Variants in ZMYM5 observed in about 807,000 individuals in gnomAD.
ZMYM5 encodes zinc finger MYM-type containing 5, also known as zinc finger MYM-type protein 5.
In ZMYM5, 41 loss-of-function variants were observed where a neutral mutation model predicts 61.8. The ratio of observed to expected loss-of-function variants is 0.66; its 90% confidence interval spans 0.52 to 0.86. The LOEUF (loss-of-function observed/expected upper bound fraction) is 0.86. ZMYM5 is among the 40% of genes least tolerant of loss of function. The pLI, the probability that ZMYM5 is intolerant of heterozygous loss-of-function variation, is 0.00. For synonymous variants in ZMYM5, 257 were observed against 276.4 expected (o/e 0.93, Z 0.70); for missense variants, 706 against 786.7 (o/e 0.90, Z 1.23).
intron 2 of ZMYM5, among the ~76,000 whole-genome samples, chr13:19,860,478 T>TC (rs1953704880): frequency 1.4e-5 from 2 of 145,848 alleles, no homozygotes; most frequent in South Asian, 4.3e-4. Context: ...GTGTATTTTT[T>TC]TTTTTGTAGT....
chr13:19,838,514 G>A (rs1434953334), intron 5 of ZMYM5, among the ~76,000 whole-genome samples, 186 bp downstream of exon 5: 1 of 152,174 alleles, frequency 6.6e-6, no homozygotes, highest in Non-Finnish European at 1.5e-5. Context: ...TTTTTCTGCC[G>A]AGAGTAAATA....
chr13:19,849,284 C>A (rs982956693), intron 4 of ZMYM5, among the ~76,000 whole-genome samples: 4 of 151,998 alleles, frequency 2.6e-5, no homozygotes, highest in African/African-American at 9.7e-5. Context: ...TGGCGCCTGG[C>A]TAATTTTTTT....
chr13:19,861,762 T>C (rs561845926), intron 2 of ZMYM5, among the ~76,000 whole-genome samples: 5 of 151,928 alleles, frequency 3.3e-5, no homozygotes, highest in Admixed American at 2.0e-4. Flanking sequence ...CACACAAGGA[T>C]TGGTGTTAAA....
At chr13:19,858,550 C>CT (rs964322437) in intron 2 of ZMYM5, among the ~76,000 whole-genome samples, 5 of 140,334 alleles carry the variant, frequency 3.6e-5, no homozygotes, top group African/African-American at 1.3e-4. Context: ...GGCCACTGCA[C>CT]TCCAGCCTGG....
chr13:19,851,581 C>T (rs189415106), intron 3 of ZMYM5, 108 bp downstream of exon 3: 172 of 1,541,368 alleles, frequency 1.1e-4, no homozygotes, highest in Admixed American at 4.5e-4. Context: ...TCACATCTTG[C>T]CCAGCATTCA....
At chr13:19,861,026 G>A (rs893500208) in intron 2 of ZMYM5, among the ~76,000 whole-genome samples, 1 of 149,952 alleles carries the variant, frequency 6.7e-6, no homozygotes, top group Non-Finnish European at 1.5e-5. Flanking sequence ...CTGTCGCCCA[G>A]CCTGGAATGC....
At chr13:19,862,778 C>T (rs1399406453) in intron 1 of ZMYM5, among the ~76,000 whole-genome samples, 1 of 152,170 alleles carries the variant, frequency 6.6e-6, no homozygotes, top group Admixed American at 6.5e-5. Context: ...ATTTGTATTC[C>T]CTCCTAAATT....
chr13:19,851,265 G>C, intron 4 of ZMYM5, 90 bp downstream of exon 4: 1 of 1,204,082 alleles, frequency 8.3e-7, no homozygotes, highest in Non-Finnish European at 1.2e-6. Context: ...CAAAGCCACA[G>C]AATGTGAATA....
intron 7 of ZMYM5, among the ~76,000 whole-genome samples, chr13:19,832,772 T>C (rs1452838866): frequency 1.3e-5 from 2 of 152,100 alleles, no homozygotes. Flanking sequence ...TCTTTTTAAA[T>C]TTCGTTTTGT....
rs540960835 is a variant in ZMYM5, at chr13:19,840,822, C to T, written c.587-1837G>A. Among the ~76,000 whole-genome samples, 49 of 152,132 alleles carry T rather than the reference C, an allele frequency of 3.2e-4. 1 individual carries two copies. The highest frequency in any genetic ancestry group is 1.1e-3 in the African/African-American group (46 of 41,510). On this transcript the variant is annotated intron_variant, in intron 4 of 7. Coordinates refer to ENST00000337963, the MANE Select transcript of ZMYM5 (RefSeq NM_001142684.2). Reference sequence around the variant, plus strand: ...CCTCCTGAGTAGCTGGGACTACAAGCACCCGCCACCATGCCCGGCTAATTT... The same window carrying T: ...CCTCCTGAGTAGCTGGGACTACAAGTACCCGCCACCATGCCCGGCTAATTT...
chr13:19,834,928 A>G (rs980532219), intron 7 of ZMYM5, among the ~76,000 whole-genome samples: 1 of 150,798 alleles, frequency 6.6e-6, no homozygotes, highest in Non-Finnish European at 1.5e-5. Context: ...GCCCCAAGTG[A>G]TCTGCCTGCC....
chr13:19,835,405 TC>T, intron 7 of ZMYM5, 71 bp downstream of exon 7: 1 of 1,039,488 alleles, frequency 9.6e-7, no homozygotes, highest in Non-Finnish European at 1.3e-6. Context: ...CTAAGATAAA[TC>T]CGGTTCATGT....
At chr13:19,851,307 C>T in intron 4 of ZMYM5, 48 bp downstream of exon 4, 1 of 1,507,760 alleles carries the variant, frequency 6.6e-7, no homozygotes, top group Non-Finnish European at 9.2e-7. Context: ...AAAAGAACAG[C>T]CAAAGGCTTA....
At chr13:19,856,351 T>C (rs770288026) in intron 2 of ZMYM5, among the ~76,000 whole-genome samples, 6 of 151,812 alleles carry the variant, frequency 4.0e-5, no homozygotes, top group Admixed American at 2.0e-4. Context: ...GCAAAAAACA[T>C]CAAATTATGA....
chr13:19,825,305 C>G, intron 7 of ZMYM5, 70 bp from the exon 8 acceptor site: 1 of 1,138,868 alleles, frequency 8.8e-7, no homozygotes, highest in Non-Finnish European at 1.1e-6. Flanking sequence ...TTCAAATGCT[C>G]AATAAGCACA....
intron 7 of ZMYM5, among the ~76,000 whole-genome samples, chr13:19,831,054 TG>T (rs1891187800): frequency 6.6e-6 from 1 of 151,490 alleles, no homozygotes; most frequent in South Asian, 2.1e-4. Context: ...TTAGCCAGGA[TG>T]GTCTTGATCT....
At chr13:19,843,076 A>T in intron 4 of ZMYM5, among the ~76,000 whole-genome samples, 1 of 151,202 alleles carries the variant, frequency 6.6e-6, no homozygotes, top group East Asian at 1.9e-4. Flanking sequence ...TCGGCCTCCC[A>T]AAGTGCTGCA....
Position 19,835,566 on chromosome 13 carries a change from G to A in ZMYM5, c.1162C>T (p.Pro388Ser), listed in dbSNP as rs1952648424. The change falls in exon 7 of 8, where the codon CCT becomes TCT. Residue 388 changes from proline to serine, a missense_variant. Pro to Ser is a moderately conservative substitution (Grantham distance 74). Transcript: ENST00000337963. ...NCCEHCGEYM[P>S]SKSTGNNILV... ...ATGTTGTTTCCAGTACTCTTACTAG[G>A]CATGTACTCTCCACAGTGTTCACAG... The A allele has an allele frequency of 7.3e-7, 1 of 1,367,588 alleles. No homozygotes were observed. The highest frequency in any genetic ancestry group is 1.5e-5 in the African/African-American group (1 of 67,820). 84.7% of individuals were successfully genotyped at this position (1,367,588 alleles called of 1,614,324 possible). A position where few individuals can be genotyped will look rare whatever the true frequency, so the allele number is the denominator to read the frequency against.
intron 7 of ZMYM5, among the ~76,000 whole-genome samples, chr13:19,826,760 A>T (rs1890938335): frequency 6.8e-6 from 1 of 147,354 alleles, no homozygotes; most frequent in Non-Finnish European, 1.5e-5. Context: ...GTCTCGTTAA[A>T]AAAAAAAAAA....
Sources: gnomAD v4.1 joint callset for allele counts (sites outside exome capture counted in the v4.1 genomes callset) on GRCh38, gnomAD v4.1.1 for gene constraint, MANE v1.5 for transcripts, NCBI Gene and HGNC (gene_info 2026-07-23, HGNC 2026-07-21) for gene names.